The following HCN1 variants were observed in gnomAD, a reference collection of about 807,000 sequenced individuals.
HCN1 encodes the protein hyperpolarization activated cyclic nucleotide gated potassium channel 1, also known as potassium/sodium hyperpolarization-activated cyclic nucleotide-gated channel 1.
A neutral mutation model predicts 78.9 loss-of-function variants in HCN1; 13 were observed. That is an observed-to-expected ratio of 0.16 (90% CI 0.11 to 0.26). The LOEUF is 0.26. Among genes scored for constraint, HCN1 ranks in the 10% least tolerant of loss-of-function variants. The probability of loss-of-function intolerance (pLI) is 1.00; values close to 1 mark genes in which losing one functional copy is unlikely to be tolerated. For synonymous variants in HCN1, 552 were observed against 455.5 expected (o/e 1.21, Z -2.70); for missense variants, 810 against 1,154.3 (o/e 0.70, Z 4.32).
chr5:45,481,112 A>G (rs1741641905), intron 2 of HCN1, among the ~76,000 whole-genome samples: 2 of 152,210 alleles, frequency 1.3e-5, no homozygotes, highest in East Asian at 3.9e-4. Flanking sequence ...TGAAGCCTAC[A>G]TTTTAAAAAG....
At chr5:45,490,125 G>A (rs1250074877) in intron 2 of HCN1, among the ~76,000 whole-genome samples, 2 of 152,108 alleles carry the variant, frequency 1.3e-5, no homozygotes, top group Non-Finnish European at 2.9e-5. Context: ...TTCAAACACA[G>A]GGAACAACAT....
rs113610738 is a variant in HCN1, at chr5:45,339,980, A to G, written c.1377+13120T>C. Among the ~76,000 whole-genome samples, 201 of 152,180 alleles carry G rather than the reference A, an allele frequency of 1.3e-3. 2 individuals are homozygous for G. The highest frequency in any genetic ancestry group is 4.7e-3 in the African/African-American group (195 of 41,536). The stretch of plus-strand genomic sequence containing the variant: ...GTTGCCCAGGCTGGAGTGCAATGGC[A>G]TGATCTTGGCCCACTGCAACCAGTG... On this transcript the variant is annotated intron_variant, in intron 5 of 7. Transcript: ENST00000303230.
intron 5 of HCN1, among the ~76,000 whole-genome samples, chr5:45,332,894 T>C (rs576747319): frequency 3.0e-4 from 46 of 151,926 alleles, no homozygotes; most frequent in African/African-American, 1.1e-3. Context: ...CATATGTTGA[T>C]GGACACTTCA....
intron 2 of HCN1, among the ~76,000 whole-genome samples, chr5:45,539,155 G>A (rs1223073397): frequency 2.6e-5 from 4 of 152,002 alleles, no homozygotes; most frequent in African/African-American, 4.8e-5. Flanking sequence ...TGTCAAATGC[G>A]GATGATAATA....
rs559504530 is a variant in HCN1, at chr5:45,463,423, C to G, written c.850-1416G>C. Among the ~76,000 whole-genome samples the G allele has an allele frequency of 2.0e-5, 3 of 152,066 alleles. No individual in the cohort carries two copies. In the East Asian group the frequency reaches 5.8e-4, roughly 29 times the overall value. On this transcript the variant is annotated intron_variant, in intron 2 of 7. Coordinates refer to ENST00000303230, the MANE Select transcript of HCN1 (RefSeq NM_021072.4). ...GATTTTTTTCGTGGGAATATACACACTGTTCTGAATTCTTTTTAAAAGAAA... is the reference window on the plus strand; with the variant it reads ...GATTTTTTTCGTGGGAATATACACAGTGTTCTGAATTCTTTTTAAAAGAAA...
At chr5:45,304,639 C>T (rs1745692146) in intron 5 of HCN1, among the ~76,000 whole-genome samples, 1 of 152,090 alleles carries the variant, frequency 6.6e-6, no homozygotes, top group Non-Finnish European at 1.5e-5. Context: ...CATACCACTG[C>T]ACTCCATCTT....
chr5:45,582,098 A>G (rs1744089727), intron 2 of HCN1, among the ~76,000 whole-genome samples: 1 of 152,160 alleles, frequency 6.6e-6, no homozygotes, highest in Admixed American at 6.5e-5. Context: ...TTGAATCTAT[A>G]AATTACCTTG....
intron 2 of HCN1, chr5:45,617,552 T>G (rs1281488668): frequency 6.6e-6 from 1 of 152,126 alleles, no homozygotes; most frequent in Non-Finnish European, 1.5e-5. Flanking sequence ...TGGCATGAAC[T>G]TGGCCCTGCC....
chr5:45,287,498 G>A (rs944702111), intron 6 of HCN1, among the ~76,000 whole-genome samples: 1 of 151,996 alleles, frequency 6.6e-6, no homozygotes, highest in East Asian at 1.9e-4. Flanking sequence ...TAATACATAT[G>A]GAATTACTTA....
intron 3 of HCN1, among the ~76,000 whole-genome samples, chr5:45,452,367 T>C (rs1268841199): frequency 6.6e-6 from 1 of 151,068 alleles, no homozygotes; most frequent in Non-Finnish European, 1.5e-5. Context: ...CATATGCAGG[T>C]TTGCTATACA....
chr5:45,524,926 G>C (rs1579949007), intron 2 of HCN1, among the ~76,000 whole-genome samples: 1 of 152,232 alleles, frequency 6.6e-6, no homozygotes, highest in Admixed American at 6.5e-5. Flanking sequence ...GGGCATCTCT[G>C]TCTTGTGGTA....
chr5:45,663,155 T>C (rs1745955065), intron 1 of HCN1, among the ~76,000 whole-genome samples: 1 of 138,720 alleles, frequency 7.2e-6, no homozygotes, highest in Non-Finnish European at 1.6e-5. Context: ...TAATGCCGCA[T>C]ATCTACAACT....
chr5:45,587,808 A>G (rs1366581879), intron 2 of HCN1, among the ~76,000 whole-genome samples: 1 of 152,224 alleles, frequency 6.6e-6, no homozygotes, highest in African/African-American at 2.4e-5. Flanking sequence ...ATTGAAATTT[A>G]ATCCCCAGTG....
At chr5:45,475,893 C>G (rs1465289640) in intron 2 of HCN1, among the ~76,000 whole-genome samples, 4 of 152,180 alleles carry the variant, frequency 2.6e-5, no homozygotes, top group East Asian at 3.9e-4. Context: ...TTTTCTAAGT[C>G]TCTTCAAAAA....
chr5:45,450,834 T>A (rs1475934328), intron 3 of HCN1, among the ~76,000 whole-genome samples: 5 of 152,146 alleles, frequency 3.3e-5, no homozygotes, highest in Non-Finnish European at 7.4e-5. Flanking sequence ...GTTATAAGTT[T>A]TATCTCCTTT....
At chr5:45,605,862 A>T (rs942579594) in intron 2 of HCN1, among the ~76,000 whole-genome samples, 1 of 152,060 alleles carries the variant, frequency 6.6e-6, no homozygotes, top group Non-Finnish European at 1.5e-5. Context: ...AATAAGTTTG[A>T]AAAGACATTT....
At chr5:45,666,549 T>C (rs116535622) in intron 1 of HCN1, among the ~76,000 whole-genome samples, 1,536 of 152,202 alleles carry the variant, frequency 0.01, 16 homozygotes, top group Middle Eastern at 0.031. Flanking sequence ...GGTGGCCTAG[T>C]AATACATTCC....
chr5:45,512,827 A>G (rs1296444575), intron 2 of HCN1, among the ~76,000 whole-genome samples: 4 of 152,116 alleles, frequency 2.6e-5, no homozygotes, highest in African/African-American at 7.2e-5. Flanking sequence ...AGCAAGCTTG[A>G]TTTACCAAAA....
intron 5 of HCN1, among the ~76,000 whole-genome samples, chr5:45,334,299 T>C (rs1746407250): frequency 6.6e-6 from 1 of 151,876 alleles, no homozygotes; most frequent in Non-Finnish European, 1.5e-5. Flanking sequence ...CTGTCTGTTT[T>C]CCCTGTGTTC....
Sources: gnomAD v4.1 joint callset for allele counts (sites outside exome capture counted in the v4.1 genomes callset) on GRCh38, gnomAD v4.1.1 for gene constraint, MANE v1.5 for transcripts, NCBI Gene and HGNC (gene_info 2026-07-23, HGNC 2026-07-21) for gene names.